Variants in CDH4 observed in about 807,000 individuals in gnomAD.
The protein encoded by CDH4 is cadherin-4.
In CDH4, 33 loss-of-function variants were observed where a neutral mutation model predicts 86.0. That is an observed-to-expected ratio of 0.38 (90% CI 0.29 to 0.51). The LOEUF (loss-of-function observed/expected upper bound fraction) is 0.51. CDH4 is among the 20% of genes least tolerant of loss of function. The probability of loss-of-function intolerance (pLI) is 0.86; values close to 1 mark genes in which losing one functional copy is unlikely to be tolerated. For missense variants in CDH4, 1,114 were observed against 1,307.4 expected (o/e 0.85, Z 2.28); for synonymous variants, 555 against 549.4 (o/e 1.01, Z -0.14).
intron 2 of CDH4, among the ~76,000 whole-genome samples, chr20:61,266,004 G>GCC (rs1171685526): frequency 6.6e-6 from 1 of 152,216 alleles, no homozygotes; most frequent in African/African-American, 2.4e-5. Context: ...TCCGATCTGG[G>GCC]CCCTTCTAAC....
chr20:61,329,475 T>TTTAAGCCCAGTGTGCTGCG (rs1167421178), intron 2 of CDH4, among the ~76,000 whole-genome samples: 28 of 136,742 alleles, frequency 2.0e-4, no homozygotes, highest in South Asian at 7.0e-4. Flanking sequence ...TTGAGGTGGC[T>TTTAAGCCCAGTGTGCTGCG]GTGAGTGGCT....
rs1174436536 is a variant in CDH4, at chr20:61,399,334, T to G, written c.169+144397T>G. On this transcript the variant is annotated intron_variant, in intron 2 of 15. Transcript: ENST00000614565. The stretch of plus-strand genomic sequence containing the variant: ...TTTTTAGTAGAGACGGGGTTTCACC[T>G]TGTTAGCCAGGATGGTCTCGATCTC... Among the ~76,000 whole-genome samples the G allele has an allele frequency of 9.1e-5, 5 of 54,996 alleles. 2 individuals are homozygous for G. The highest frequency in any genetic ancestry group is 1.9e-4 in the African/African-American group (2 of 10,626). The allele number at this position is 54,996 out of a possible 152,430, so 36.1% of individuals were successfully genotyped here.
intron 2 of CDH4, among the ~76,000 whole-genome samples, chr20:61,263,151 A>G (rs2084137334): frequency 6.6e-6 from 1 of 152,070 alleles, no homozygotes; most frequent in Admixed American, 6.5e-5. Flanking sequence ...GTAAAACCTC[A>G]TGGCATTTGC....
intron 2 of CDH4, among the ~76,000 whole-genome samples, chr20:61,382,562 G>A (rs1051503820): frequency 1.3e-5 from 2 of 152,202 alleles, no homozygotes; most frequent in African/African-American, 4.8e-5. Context: ...CAAACTAGGG[G>A]ACTTAAAACC....
intron 2 of CDH4, among the ~76,000 whole-genome samples, chr20:61,264,397 T>C (rs13041354): frequency 1.5e-4 from 21 of 142,508 alleles, no homozygotes; most frequent in Admixed American, 2.8e-4. Flanking sequence ...TACACATACC[T>C]CAGTGGCTCC....
chr20:61,638,031 A>G (rs1454852091), intron 2 of CDH4, among the ~76,000 whole-genome samples: 1 of 23,992 alleles, frequency 4.2e-5, no homozygotes, highest in East Asian at 2.1e-3. Flanking sequence ...AACTCCGTCT[A>G]AAAAAAAAAT....
At chr20:61,319,501 G>A (rs1306465123) in intron 2 of CDH4, among the ~76,000 whole-genome samples, 1 of 152,172 alleles carries the variant, frequency 6.6e-6, no homozygotes, top group East Asian at 1.9e-4. Flanking sequence ...GCACGGGCAT[G>A]CGGAGGTCTC....
intron 7 of CDH4, among the ~76,000 whole-genome samples, chr20:61,892,204 G>T (rs778534093): frequency 6.6e-6 from 1 of 152,216 alleles, no homozygotes; most frequent in South Asian, 2.1e-4. Flanking sequence ...CTTAAAGCCC[G>T]TTGGTGACTC....
intron 2 of CDH4, among the ~76,000 whole-genome samples, chr20:61,520,029 T>C (rs2085857393): frequency 6.6e-6 from 1 of 152,204 alleles, no homozygotes; most frequent in South Asian, 2.1e-4. Flanking sequence ...GACTTGCGTG[T>C]GTCAGTTTCT....
intron 2 of CDH4, among the ~76,000 whole-genome samples, chr20:61,627,777 G>A (rs1049703354): frequency 6.6e-6 from 1 of 151,964 alleles, no homozygotes; most frequent in Non-Finnish European, 1.5e-5. Flanking sequence ...TCCCTTTGAT[G>A]TGGAGGAGGG....
rs571457643 is a variant in CDH4, at chr20:61,618,563, G to A, written c.170-125000G>A. 6.6e-5 allele frequency among the ~76,000 whole-genome samples: 10 copies of A among 152,236 alleles called. No individual in the cohort carries two copies. The South Asian group carries it at 1.5e-3, about 22-fold the overall frequency. Reference sequence around the variant, plus strand: ...ACCCCGGCCTGTGTGCTCAGCCCTTGGAACCCAGGATCCAGTCCCCCAAAT... The same window carrying A: ...ACCCCGGCCTGTGTGCTCAGCCCTTAGAACCCAGGATCCAGTCCCCCAAAT... On this transcript the variant is annotated intron_variant, in intron 2 of 15. Transcript: ENST00000614565.
At position 61,754,714 on chromosome 20, in the gene CDH4, G is replaced by A. The variant is rs186202192; in HGVS notation, c.396+10925G>A. ...ACACACAGTGCATGCCACACACACC[G>A]CACACACACTGCACGCCCCGCACAC... On this transcript the variant is annotated intron_variant, in intron 3 of 15. Transcript: ENST00000614565. This position sits in a 1 kb window ranked among gnomAD's most constrained non-coding sequence, Gnocchi z 4.7. Among the ~76,000 whole-genome samples, 12,207 of 123,478 alleles carry A rather than the reference G, an allele frequency of 0.099. 667 individuals carry two copies. Among genetic ancestry groups the A allele is most frequent in the African/African-American group, 0.12 (3,784 of 32,392 alleles). 81.0% of individuals were successfully genotyped at this position (123,478 alleles called of 152,430 possible).
chr20:61,873,974 G>T, intron 7 of CDH4, 74 bp downstream of exon 7: 2 of 1,535,874 alleles, frequency 1.3e-6, no homozygotes, highest in Non-Finnish European at 8.9e-7. Context: ...GACCCTCGGG[G>T]AGCCTCTCCA....
intron 2 of CDH4, among the ~76,000 whole-genome samples, chr20:61,298,234 G>A (rs1386474864): frequency 6.6e-6 from 1 of 152,166 alleles, no homozygotes; most frequent in East Asian, 1.9e-4. Flanking sequence ...ACTCAGTCCT[G>A]ACCGCTATAA....
intron 2 of CDH4, among the ~76,000 whole-genome samples, chr20:61,528,414 G>A (rs1396275063): frequency 8.4e-6 from 1 of 118,776 alleles, no homozygotes; most frequent in African/African-American, 3.2e-5. Context: ...GGGGAGGGGG[G>A]TGGAGGGGGA....
intron 2 of CDH4, among the ~76,000 whole-genome samples, chr20:61,542,817 T>G (rs1312157555): frequency 1.3e-5 from 2 of 152,188 alleles, no homozygotes; most frequent in Non-Finnish European, 2.9e-5. Flanking sequence ...ATTAGGAGAA[T>G]TGACCCTCAG....
At chr20:61,903,253 A>G (rs148154336) in intron 8 of CDH4, among the ~76,000 whole-genome samples, 2 of 152,280 alleles carry the variant, frequency 1.3e-5, no homozygotes, top group East Asian at 1.9e-4. Context: ...CTACATATTT[A>G]AAATCTGTAA....
intron 3 of CDH4, among the ~76,000 whole-genome samples, chr20:61,765,975 G>A (rs1388597876): frequency 3.3e-5 from 5 of 152,052 alleles, no homozygotes; most frequent in East Asian, 3.9e-4. Flanking sequence ...CCACCCCCGC[G>A]CCTCTGGGAT....
chr20:61,312,544 C>T (rs2084452647), intron 2 of CDH4, among the ~76,000 whole-genome samples: 1 of 152,060 alleles, frequency 6.6e-6, no homozygotes, highest in Non-Finnish European at 1.5e-5. Flanking sequence ...GGACCCCTTG[C>T]CCCTGCAGTC....
Sources: gnomAD v4.1 joint callset for allele counts (sites outside exome capture counted in the v4.1 genomes callset) on GRCh38, gnomAD v4.1.1 for gene constraint, Gnocchi (gnomAD v3.1) non-coding constraint, MANE v1.5 for transcripts, NCBI Gene and HGNC (gene_info 2026-07-23, HGNC 2026-07-21) for gene names.